Variants in PRKCE observed in about 807,000 individuals in gnomAD.
PRKCE encodes protein kinase C epsilon, also known as protein kinase C epsilon type.
Under a neutral mutation model 85.4 loss-of-function variants are expected in PRKCE, and 16 were observed. The ratio of observed to expected loss-of-function variants is 0.19; its 90% confidence interval spans 0.13 to 0.28. PRKCE has a LOEUF of 0.28. PRKCE is among the 10% of genes least tolerant of loss of function. The probability of loss-of-function intolerance (pLI) is 1.00; values close to 1 mark genes in which losing one functional copy is unlikely to be tolerated. For missense variants in PRKCE, 573 were observed against 975.2 expected (o/e 0.59, Z 5.49); for synonymous variants, 388 against 371.5 (o/e 1.04, Z -0.51).
At chr2:45,804,227 T>C (rs1229779578) in intron 1 of PRKCE, among the ~76,000 whole-genome samples, 1 of 152,132 alleles carries the variant, frequency 6.6e-6, no homozygotes, top group East Asian at 1.9e-4. Flanking sequence ...AGGGCTCCAG[T>C]AGGAGCAAAC....
At chr2:45,726,968 A>C (rs1681126344) in intron 1 of PRKCE, among the ~76,000 whole-genome samples, 1 of 152,228 alleles carries the variant, frequency 6.6e-6, no homozygotes, top group South Asian at 2.1e-4. Context: ...AAGATTAAAA[A>C]TGTATGCGAA....
chr2:46,153,812 A>G (rs1676895800), intron 13 of PRKCE, among the ~76,000 whole-genome samples: 1 of 121,104 alleles, frequency 8.3e-6, no homozygotes, highest in Admixed American at 1.1e-4. Flanking sequence ...TTTGAGACCA[A>G]GTCTCGCTCT....
At chr2:45,935,092 C>T (rs1054991496) in intron 2 of PRKCE, among the ~76,000 whole-genome samples, 1 of 151,442 alleles carries the variant, frequency 6.6e-6, no homozygotes, top group Non-Finnish European at 1.5e-5. Flanking sequence ...CACACACACA[C>T]ATAGAAAATG....
chr2:45,835,464 GCT>G, intron 1 of PRKCE, among the ~76,000 whole-genome samples: 1 of 152,228 alleles, frequency 6.6e-6, no homozygotes, highest in East Asian at 1.9e-4. Context: ...TCACAGATGT[GCT>G]TTTTTGTTAT....
At chr2:45,903,036 G>A (rs559631756) in intron 2 of PRKCE, among the ~76,000 whole-genome samples, 1 of 152,336 alleles carries the variant, frequency 6.6e-6, no homozygotes, top group South Asian at 2.1e-4. Context: ...CGTGAATATA[G>A]TTTAGTTCCA....
intron 11 of PRKCE, among the ~76,000 whole-genome samples, chr2:46,125,142 C>T (rs980057101): frequency 3.3e-5 from 5 of 152,122 alleles, no homozygotes; most frequent in Non-Finnish European, 4.4e-5. Flanking sequence ...AATTGATTTA[C>T]AGTTACACTT....
rs147876234 is a variant in PRKCE, at chr2:45,808,923, A to G, written c.349-34077A>G. Reference sequence around the variant, plus strand: ...GAGCTATAGTTTGGGGGGTCTCCTCATATATCCTACTCCCTCCTGTTGCCC... The same window carrying G: ...GAGCTATAGTTTGGGGGGTCTCCTCGTATATCCTACTCCCTCCTGTTGCCC... On this transcript the variant is annotated intron_variant, in intron 1 of 14. Transcript: ENST00000306156. 4.9e-3 allele frequency among the ~76,000 whole-genome samples: 751 copies of G among 152,226 alleles called. 5 individuals are homozygous for G. The highest frequency in any genetic ancestry group is 0.017 in the African/African-American group (717 of 41,550).
intron 12 of PRKCE, among the ~76,000 whole-genome samples, chr2:46,149,946 T>G (rs970726370): frequency 6.6e-6 from 1 of 151,278 alleles, no homozygotes; most frequent in African/African-American, 2.4e-5. Flanking sequence ...AGCCTCAAAC[T>G]CCCGGGCTCA....
chr2:45,983,207 T>TGGGTGC (rs1342093447), intron 5 of PRKCE, among the ~76,000 whole-genome samples: 1 of 152,238 alleles, frequency 6.6e-6, no homozygotes, highest in East Asian at 1.9e-4. Context: ...TCCTTGGAAC[T>TGGGTGC]GGGTGCTAGG....
At chr2:45,994,778 C>G (rs1313057037) in intron 6 of PRKCE, among the ~76,000 whole-genome samples, 1 of 152,188 alleles carries the variant, frequency 6.6e-6, no homozygotes, top group African/African-American at 2.4e-5. Context: ...GAACATAACT[C>G]TTCACCTCAT....
rs137897992 is a variant in PRKCE, at chr2:46,104,872, G to T, written c.1592+18510G>T. On this transcript the variant is annotated intron_variant, in intron 11 of 14. Transcript: ENST00000306156. ...TATCTTTTCCCTTCAAGGCTCTGGG[G>T]TTAGCAGCTTTATAGATAAGAGCAG... is the stretch of plus-strand genomic sequence containing the variant. Among the ~76,000 whole-genome samples, 552 of 152,270 alleles carry T rather than the reference G, an allele frequency of 3.6e-3. 6 individuals are homozygous for T. Among genetic ancestry groups the T allele is most frequent in the Middle Eastern group, 0.017 (5 of 294 alleles).
chr2:45,779,564 T>G (rs1686021842), intron 1 of PRKCE, among the ~76,000 whole-genome samples: 1 of 151,374 alleles, frequency 6.6e-6, no homozygotes, highest in South Asian at 2.1e-4. Context: ...AAGACTCGTT[T>G]GATGGACGAA....
At chr2:45,763,488 G>A (rs900845864) in intron 1 of PRKCE, among the ~76,000 whole-genome samples, 1 of 152,178 alleles carries the variant, frequency 6.6e-6, no homozygotes, top group Non-Finnish European at 1.5e-5. Context: ...GCCTAGTACA[G>A]GAATTGTTAA....
intron 2 of PRKCE, among the ~76,000 whole-genome samples, chr2:45,874,216 G>A (rs1694303982): frequency 6.6e-6 from 1 of 152,216 alleles, no homozygotes; most frequent in Admixed American, 6.5e-5. Flanking sequence ...AGGCCTATGT[G>A]GGAGTCCCTT....
intron 14 of PRKCE, among the ~76,000 whole-genome samples, chr2:46,176,340 T>C (rs1679431886): frequency 6.6e-6 from 1 of 151,992 alleles, no homozygotes; most frequent in African/African-American, 2.4e-5. Context: ...GTGACTCCAG[T>C]GTAGGCCCAG....
chr2:45,932,731 C>G (rs1033878319), intron 2 of PRKCE, among the ~76,000 whole-genome samples: 2 of 152,206 alleles, frequency 1.3e-5, no homozygotes, highest in African/African-American at 4.8e-5. Flanking sequence ...CTATCCATCT[C>G]CAAAACCTTT....
chr2:45,912,965 T>C (rs1697491059), intron 2 of PRKCE, among the ~76,000 whole-genome samples: 1 of 152,060 alleles, frequency 6.6e-6, no homozygotes. Flanking sequence ...CATAGTGACA[T>C]TATCAAAAAT....
chr2:46,061,859 C>CTTTTTTTTTT (rs10695600), intron 10 of PRKCE, among the ~76,000 whole-genome samples: 4 of 107,746 alleles, frequency 3.7e-5, no homozygotes, highest in African/African-American at 8.0e-5. Flanking sequence ...TTTTCTTTTT[C>CTTTTTTTTTT]TTTTTTTTTT....
chr2:45,676,412 A>T (rs1455989445), intron 1 of PRKCE, among the ~76,000 whole-genome samples: 1 of 152,248 alleles, frequency 6.6e-6, no homozygotes, highest in East Asian at 1.9e-4. Flanking sequence ...ATAATTTCTT[A>T]AAGGATACAG....
Sources: gnomAD v4.1 joint callset for allele counts (sites outside exome capture counted in the v4.1 genomes callset) on GRCh38, gnomAD v4.1.1 for gene constraint, MANE v1.5 for transcripts, NCBI Gene and HGNC (gene_info 2026-07-23, HGNC 2026-07-21) for gene names.